TBC1D19: variants seen among roughly 807,000 people sequenced by gnomAD.
The protein encoded by TBC1D19 is TBC1 domain family, member 19.
In TBC1D19, 60 loss-of-function variants were observed where a neutral mutation model predicts 89.0. That is an observed-to-expected ratio of 0.67 (90% CI 0.55 to 0.84). TBC1D19 has a LOEUF of 0.84. Among genes scored for constraint, TBC1D19 ranks in the 40% least tolerant of loss-of-function variants. TBC1D19 has a pLI of 0.00. For synonymous variants in TBC1D19, 189 were observed against 199.7 expected (o/e 0.95, Z 0.45); for missense variants, 500 against 610.8 (o/e 0.82, Z 1.91).
At chr4:26,723,495 G>A (rs968980032) in intron 15 of TBC1D19, among the ~76,000 whole-genome samples, 1 of 152,114 alleles carries the variant, frequency 6.6e-6, no homozygotes, top group Non-Finnish European at 1.5e-5. Flanking sequence ...GGGTGGCAGA[G>A]GTTTTCTCAC....
chr4:26,787,268 A>C, the TBC1D19 span, among the ~76,000 whole-genome samples: 1 of 151,924 alleles, frequency 6.6e-6, no homozygotes, highest in Admixed American at 6.6e-5. Flanking sequence ...AATCTGGCTA[A>C]TTTTTTGTAT....
At chr4:26,749,783 T>A (rs937584114) in intron 19 of TBC1D19, among the ~76,000 whole-genome samples, 2 of 152,246 alleles carry the variant, frequency 1.3e-5, no homozygotes, top group East Asian at 3.9e-4. Flanking sequence ...TCTATAGTTA[T>A]AGTTACTGGG....
intron 4 of TBC1D19, among the ~76,000 whole-genome samples, chr4:26,636,264 A>G (rs1237857645): frequency 1.3e-5 from 2 of 152,070 alleles, no homozygotes; most frequent in African/African-American, 4.8e-5. Context: ...AAGACAAAAA[A>G]CATCATATGG....
intron 7 of TBC1D19, among the ~76,000 whole-genome samples, chr4:26,650,679 T>G (rs1254027135): frequency 6.6e-6 from 1 of 152,214 alleles, no homozygotes; most frequent in Non-Finnish European, 1.5e-5. Flanking sequence ...TTCACTCTGA[T>G]GGTAGTTTCT....
chr4:26,751,136 G>C (rs952366410), intron 19 of TBC1D19, among the ~76,000 whole-genome samples: 1 of 152,172 alleles, frequency 6.6e-6, no homozygotes, highest in African/African-American at 2.4e-5. Context: ...CTGTTCTGTG[G>C]AAGGGCTGGG....
the TBC1D19 span, among the ~76,000 whole-genome samples, chr4:26,784,616 TCA>T: frequency 6.6e-6 from 1 of 152,184 alleles, no homozygotes; most frequent in Non-Finnish European, 1.5e-5. Flanking sequence ...CCAAATCTTC[TCA>T]CAGTTTCTTC....
At chr4:26,639,677 C>T (rs1313628407) in intron 6 of TBC1D19, among the ~76,000 whole-genome samples, 3 of 152,142 alleles carry the variant, frequency 2.0e-5, no homozygotes, top group Non-Finnish European at 4.4e-5. Context: ...CCTTCCTCCT[C>T]CCCTTCCTTT....
chr4:26,582,500 A>G (rs1026292847), upstream of TBC1D19, among the ~76,000 whole-genome samples: 7 of 152,080 alleles, frequency 4.6e-5, no homozygotes, highest in African/African-American at 1.7e-4. Flanking sequence ...ACTTCTTTCA[A>G]TCTCAAAGGG....
At chr4:26,851,319 A>ATCTG in the TBC1D19 span, among the ~76,000 whole-genome samples, 3 of 147,510 alleles carry the variant, frequency 2.0e-5, no homozygotes, top group East Asian at 2.0e-4. Flanking sequence ...CTATCTATCT[A>ATCTG]TCTATCTATC....
At chr4:26,831,843 G>T in the TBC1D19 span, among the ~76,000 whole-genome samples, 2 of 151,798 alleles carry the variant, frequency 1.3e-5, no homozygotes, top group Non-Finnish European at 2.9e-5. Context: ...TGCCCACCTC[G>T]GCAGATCAAA....
the TBC1D19 span, among the ~76,000 whole-genome samples, chr4:26,777,474 T>C: frequency 2.6e-5 from 4 of 151,920 alleles, no homozygotes; most frequent in Non-Finnish European, 4.4e-5. Context: ...AGTCTCTCTC[T>C]GTCCCTCAGG....
the TBC1D19 span, among the ~76,000 whole-genome samples, chr4:26,826,269 C>T: frequency 6.6e-6 from 1 of 152,186 alleles, no homozygotes; most frequent in Non-Finnish European, 1.5e-5. Context: ...TTAATTCCCA[C>T]TGCACATAGG....
At chr4:26,845,669 G>C in the TBC1D19 span, among the ~76,000 whole-genome samples, 1 of 152,274 alleles carries the variant, frequency 6.6e-6, no homozygotes, top group African/African-American at 2.4e-5. Context: ...AATTTATAAA[G>C]AAAAAGAGGT....
At chr4:26,660,464 C>T (rs1343925543) in intron 8 of TBC1D19, among the ~76,000 whole-genome samples, 3 of 152,132 alleles carry the variant, frequency 2.0e-5, no homozygotes, top group Non-Finnish European at 4.4e-5. Context: ...TGCCAGTCAT[C>T]AGTTTATTAT....
chr4:26,760,430 G>A (rs1719417815), downstream of TBC1D19, among the ~76,000 whole-genome samples: 1 of 152,116 alleles, frequency 6.6e-6, no homozygotes, highest in Non-Finnish European at 1.5e-5. Context: ...GCCAGGCATG[G>A]TGGTGCACAC....
At chr4:26,713,198 T>C (rs1009274215) in intron 13 of TBC1D19, among the ~76,000 whole-genome samples, 3 of 152,074 alleles carry the variant, frequency 2.0e-5, no homozygotes, top group Non-Finnish European at 2.9e-5. Context: ...CCATATTTGA[T>C]AATATCGATT....
At chr4:26,594,405 G>T (rs1330039364) in intron 1 of TBC1D19, among the ~76,000 whole-genome samples, 1 of 151,988 alleles carries the variant, frequency 6.6e-6, no homozygotes, top group Non-Finnish European at 1.5e-5. Context: ...ACGAGTTAAT[G>T]GGTGCAGCAT....
chr4:26,808,736 A>AG, the TBC1D19 span, among the ~76,000 whole-genome samples: 1 of 149,646 alleles, frequency 6.7e-6, no homozygotes, highest in Admixed American at 6.6e-5. Context: ...TCAAAAAAAA[A>AG]AAAAAAAAAA....
chr4:26,728,637 G>A (rs1717464504), intron 15 of TBC1D19, among the ~76,000 whole-genome samples: 1 of 152,172 alleles, frequency 6.6e-6, no homozygotes. Flanking sequence ...GGTGGCTATA[G>A]TGTCATTGGG....
Sources: gnomAD v4.1 joint callset for allele counts (sites outside exome capture counted in the v4.1 genomes callset) on GRCh38, gnomAD v4.1.1 for gene constraint, MANE v1.5 for transcripts, NCBI Gene and HGNC (gene_info 2026-07-23, HGNC 2026-07-21) for gene names.